TMOD2: variants seen among roughly 807,000 people sequenced by gnomAD.
TMOD2 encodes the protein tropomodulin 2.
Under a neutral mutation model 39.9 loss-of-function variants are expected in TMOD2, and 22 were observed. The ratio of observed to expected loss-of-function variants is 0.55; its 90% CI spans 0.39 to 0.79. TMOD2 has a LOEUF of 0.79. Among genes scored for constraint, TMOD2 ranks in the 30% least tolerant of loss-of-function variants. The probability of loss-of-function intolerance (pLI) is 0.00; values close to 1 mark genes in which losing one functional copy is unlikely to be tolerated. For synonymous variants in TMOD2, 123 were observed against 146.1 expected (o/e 0.84, Z 1.14); for missense variants, 386 against 413.3 (o/e 0.93, Z 0.57).
rs1044883011 is a variant in TMOD2 at position 51,809,615 on chromosome 15, G to A, written c.*1161G>A. 8 of 152,216 alleles carry A rather than the reference G, an allele frequency of 5.3e-5. No individual in the cohort carries two copies. Among genetic ancestry groups the A allele is most frequent in the Non-Finnish European group, 8.8e-5 (6 of 68,036 alleles). The allele number at this position is 152,216 out of a possible 1,614,324, so 9.4% of individuals were successfully genotyped here. Reference sequence around the variant, plus strand: ...TGTAAAAATGCAGTGCTAAACTAATGAAGCAGGTGACTGCAGCCTTTGGCT... The same window carrying A: ...TGTAAAAATGCAGTGCTAAACTAATAAAGCAGGTGACTGCAGCCTTTGGCT... On this transcript the variant is annotated 3_prime_UTR_variant, in exon 10 of 10. Transcript: ENST00000249700.
chr15:51,766,146 G>A (rs539236913), intron 1 of TMOD2, among the ~76,000 whole-genome samples: 10 of 152,332 alleles, frequency 6.6e-5, no homozygotes, highest in Middle Eastern at 3.4e-3. Flanking sequence ...TGATAATATC[G>A]TCACGGGCTT....
chr15:51,765,600 T>G (rs1022733233), intron 1 of TMOD2, among the ~76,000 whole-genome samples: 1 of 152,190 alleles, frequency 6.6e-6, no homozygotes, highest in Admixed American at 6.5e-5. Flanking sequence ...TAGAATCCTC[T>G]GCAAGGAGAA....
intron 7 of TMOD2, chr15:51,783,486 A>G (rs1490807463): frequency 6.6e-6 from 1 of 152,178 alleles, no homozygotes; most frequent in Non-Finnish European, 1.5e-5. Context: ...TCTCAAAAAA[A>G]AAAAAGAAAA....
At position 51,766,397 on chromosome 15, in the gene TMOD2, A is replaced by G; in HGVS notation, c.-45A>G. The G allele has an allele frequency of 6.4e-7, 1 of 1,566,152 alleles. No homozygotes were observed. Among genetic ancestry groups the G allele is most frequent in the Non-Finnish European group, 8.7e-7 (1 of 1,155,232 alleles). ...GTATTCTGAAGTCTCAGGAAACTGG[A>G]CCATTTAAATGTGCATGGCCCATGA... On this transcript the variant is annotated 5_prime_UTR_variant, in exon 2 of 10. Transcript: ENST00000249700.
chr15:51,795,636 T>C (rs955228435), intron 7 of TMOD2, among the ~76,000 whole-genome samples: 1 of 139,428 alleles, frequency 7.2e-6, no homozygotes, highest in Non-Finnish European at 1.5e-5. Flanking sequence ...CTTTCTTTCT[T>C]TCTCCTTCTG....
At chr15:51,776,842 T>TA in intron 4 of TMOD2, 90 bp from the exon 5 acceptor site, 1 of 1,041,842 alleles carries the variant, frequency 9.6e-7, no homozygotes. Context: ...CTTTATGATG[T>TA]AAAGAATTGT....
In TMOD2 at chr15:51,766,511, C is replaced by T; in HGVS notation, c.70C>T (p.Leu24Phe). Reference protein sequence around the residue: ...NIDEDELLGKLSEEELKQLEN... With the variant: ...NIDEDELLGKFSEEELKQLEN... ...TGATGAAGATGAGCTTCTTGGCAAA[C>T]TCTCAGAAGAGGAACTGAAACAGTT... Residue 24 changes from leucine to phenylalanine, a missense_variant, in exon 2 of 10, where the codon CTC (leucine) becomes TTC (phenylalanine). Transcript: ENST00000249700. The T allele has an allele frequency of 6.2e-7, 1 of 1,614,048 alleles. No homozygotes were observed. Among genetic ancestry groups the T allele is most frequent in the South Asian group, 1.1e-5 (1 of 91,084 alleles).
In TMOD2 at chr15:51,806,692, C is replaced by T. The variant is rs190940217; in HGVS notation, c.1021+171C>T. ...TGGTCATAGGAGTCTTTGTGGTCCTCGCAGTGTTAAGTTTCATCATAGCAT... is the reference window on the plus strand; with the variant it reads ...TGGTCATAGGAGTCTTTGTGGTCCTTGCAGTGTTAAGTTTCATCATAGCAT... On this transcript the variant is annotated intron_variant, in intron 9 of 9. Coordinates refer to ENST00000249700, the MANE Select transcript of TMOD2 (RefSeq NM_014548.4). Among the ~76,000 whole-genome samples the T allele has an allele frequency of 2.9e-4, 44 of 152,262 alleles. No individual in the cohort carries two copies. The East Asian group carries it at 4.4e-3, about 15-fold the overall frequency.
At chr15:51,770,745 C>T (rs2055848263) in intron 3 of TMOD2, among the ~76,000 whole-genome samples, 1 of 152,014 alleles carries the variant, frequency 6.6e-6, no homozygotes, top group Non-Finnish European at 1.5e-5. Context: ...TTCAGGATTG[C>T]CATGAGCTAT....
rs2056167558 is a variant in TMOD2 at position 51,813,215 on chromosome 15, A to T, written c.*4761A>T. On this transcript the variant is annotated 3_prime_UTR_variant, in exon 10 of 10. Coordinates refer to ENST00000249700, the MANE Select transcript of TMOD2 (RefSeq NM_014548.4). The stretch of plus-strand genomic sequence containing the variant: ...ACATTTGTTTAATGGCAGAACTGAG[A>T]TTTGCTCAGCTTATCTCTTTCCCAT... 6.6e-6 allele frequency: 1 copy of T among 152,204 alleles called. No homozygotes were observed. The highest frequency in any genetic ancestry group is 2.1e-4 in the South Asian group (1 of 4,834). 9.4% of individuals were successfully genotyped at this position (152,204 alleles called of 1,614,324 possible). A position where few individuals can be genotyped will look rare whatever the true frequency, so the allele number is the denominator to read the frequency against.
chr15:51,800,732 G>A (rs551270281), intron 8 of TMOD2, among the ~76,000 whole-genome samples: 1 of 152,104 alleles, frequency 6.6e-6, no homozygotes, highest in South Asian at 2.1e-4. Context: ...TTGAGACAAG[G>A]TCTCACTCTA....
At chr15:51,798,701 C>T (rs917150298) in intron 8 of TMOD2, among the ~76,000 whole-genome samples, 1 of 152,226 alleles carries the variant, frequency 6.6e-6, no homozygotes, top group Admixed American at 6.5e-5. Context: ...ACTATCCCAG[C>T]CTTACTTTTG....
At chr15:51,792,148 A>T (rs1056461588) in intron 7 of TMOD2, among the ~76,000 whole-genome samples, 2 of 152,270 alleles carry the variant, frequency 1.3e-5, no homozygotes, top group African/African-American at 4.8e-5. Context: ...TTGACAAGGA[A>T]CTTAAACAAA....
In TMOD2 at chr15:51,798,296, C is replaced by A. The variant is rs1384583873; in HGVS notation, c.832C>A (p.Leu278Met). 1.2e-6 allele frequency: 2 copies of A among 1,613,726 alleles called. No individual in the cohort carries two copies. Among genetic ancestry groups the A allele is most frequent in the Non-Finnish European group, 1.7e-6 (2 of 1,179,904 alleles). ...TGGGATCCTGGCCCTGGTAGAGGCACTGAAAGAAAATGACACCTTGACAGA... is the reference window on the plus strand; with the variant it reads ...TGGGATCCTGGCCCTGGTAGAGGCAATGAAAGAAAATGACACCTTGACAGA... Reference protein sequence around the residue: ...GTGILALVEALKENDTLTEIK... With the variant: ...GTGILALVEAMKENDTLTEIK... Residue 278 changes from leucine (L) to methionine (M), a missense_variant, in exon 8 of 10, where the codon CTG (leucine) becomes ATG (methionine). Coordinates refer to ENST00000249700, the MANE Select transcript of TMOD2 (RefSeq NM_014548.4).
At chr15:51,760,766 A>AT (rs1175506942) in intron 1 of TMOD2, among the ~76,000 whole-genome samples, 1 of 152,126 alleles carries the variant, frequency 6.6e-6, no homozygotes, top group African/African-American at 2.4e-5. Context: ...AGGTCGTGCC[A>AT]TTGCACTCCA....
At chr15:51,759,681 G>C (rs929085100) in intron 1 of TMOD2, among the ~76,000 whole-genome samples, 4 of 152,206 alleles carry the variant, frequency 2.6e-5, no homozygotes, top group Admixed American at 1.3e-4. Flanking sequence ...AGAGCGCATA[G>C]ATAGGCCATG....
chr15:51,786,344 A>G (rs143304999), intron 7 of TMOD2, among the ~76,000 whole-genome samples: 1 of 152,076 alleles, frequency 6.6e-6, no homozygotes, highest in Admixed American at 6.6e-5. Flanking sequence ...CATTTTTAGC[A>G]TTCAAACATG....
chr15:51,791,261 A>T (rs2056009769), intron 7 of TMOD2, among the ~76,000 whole-genome samples: 1 of 152,210 alleles, frequency 6.6e-6, no homozygotes, highest in South Asian at 2.1e-4. Context: ...ATTGCTACAA[A>T]GAGAATAAAA....
chr15:51,760,411 G>C (rs1023475213), intron 1 of TMOD2, among the ~76,000 whole-genome samples: 9 of 152,112 alleles, frequency 5.9e-5, no homozygotes, highest in Non-Finnish European at 1.3e-4. Flanking sequence ...CAAAAAAATT[G>C]CATGACACTG....
Sources: gnomAD v4.1 joint callset for allele counts (sites outside exome capture counted in the v4.1 genomes callset) on GRCh38, gnomAD v4.1.1 for gene constraint, MANE v1.5 for transcripts, NCBI Gene and HGNC (gene_info 2026-07-23, HGNC 2026-07-21) for gene names.